NIBAN2: variants seen among roughly 807,000 people sequenced by gnomAD.
The protein encoded by NIBAN2 is niban apoptosis regulator 2.
NIBAN2 carries 36 observed loss-of-function variants against 81.8 expected under a neutral mutation model. The ratio of observed to expected loss-of-function variants is 0.44; its 90% CI spans 0.34 to 0.58. The LOEUF (loss-of-function observed/expected upper bound fraction) is 0.58. NIBAN2 is among the 20% of genes least tolerant of loss of function. The probability of loss-of-function intolerance (pLI) is 0.02; values close to 1 mark genes in which losing one functional copy is unlikely to be tolerated. For synonymous variants in NIBAN2, 445 were observed against 441.6 expected, an observed-to-expected ratio of 1.01 and a Z score of -0.10; for missense variants, 897 against 1,014.1, an observed-to-expected ratio of 0.88 and a Z score of 1.57.
At chr9:127,572,877 G>A (rs954097692), upstream of NIBAN2, among the ~76,000 whole-genome samples, 4 of 151,922 alleles carry the variant, frequency 2.6e-5, no homozygotes, top group African/African-American at 4.8e-5. Flanking sequence ...AGACCCCGTC[G>A]TTAAATAATT....
At chr9:127,520,559 A>G (rs919378794) in intron 5 of NIBAN2, among the ~76,000 whole-genome samples, 1 of 152,140 alleles carries the variant, frequency 6.6e-6, no homozygotes, top group African/African-American at 2.4e-5. Context: ...GTCTTAAAGA[A>G]TTAAGTTAAA....
intron 1 of NIBAN2, among the ~76,000 whole-genome samples, chr9:127,543,299 T>C (rs899670295): frequency 6.6e-6 from 1 of 152,090 alleles, no homozygotes; most frequent in East Asian, 1.9e-4. Flanking sequence ...CCATCTGACA[T>C]AGACCCGGAC....
At chr9:127,571,713 G>A (rs4837166), upstream of NIBAN2, among the ~76,000 whole-genome samples, 5,017 of 19,546 alleles carry the variant, frequency 0.26, 106 homozygotes, top group Middle Eastern at 0.37. Flanking sequence ...CAAAACCAAA[G>A]AAAAAAACAG....
In NIBAN2 at chr9:127,517,810, GC is replaced by G; in HGVS notation, c.705+15del. 1 of 1,599,302 alleles carries G rather than the reference GC, an allele frequency of 6.3e-7. No homozygotes were observed. Among genetic ancestry groups the G allele is most frequent in the Non-Finnish European group, 8.6e-7 (1 of 1,167,958 alleles). ...GGTGACTTCTGAGGTTTCCTCACCA[GC>G]CCGTCTGGCCTCACCTGCACCTCGT... On this transcript the variant is annotated intron_variant, in intron 6 of 13. Transcript: ENST00000373312. This position sits in a 1 kb window ranked among gnomAD's most constrained non-coding sequence, Gnocchi z 4.0.
intron 1 of NIBAN2, among the ~76,000 whole-genome samples, chr9:127,566,361 C>G (rs1837859151): frequency 6.6e-6 from 1 of 152,110 alleles, no homozygotes. Context: ...GATCCCAGGC[C>G]AGGGATTCTT....
In NIBAN2 at chr9:127,517,305, CA is replaced by C. The variant is rs1009069582; in HGVS notation, c.706-90del. ...TGCATTCCCACAAGCCAGGCCGCTG[CA>C]GCCCCCACCTCCTCCGCGACTGGCC... On this transcript the variant is annotated intron_variant, in intron 6 of 13. Transcript: ENST00000373312. The surrounding 1 kb of genome is among the most constrained non-coding windows in gnomAD (Gnocchi z 4.0). 1 of 1,066,790 alleles carries C rather than the reference CA, an allele frequency of 9.4e-7. No individual in the cohort carries two copies. Among genetic ancestry groups the C allele is most frequent in the Non-Finnish European group, 1.4e-6 (1 of 718,146 alleles). The allele number at this position is 1,066,790 out of a possible 1,614,324, so 66.1% of individuals were successfully genotyped here.
intron 5 of NIBAN2, among the ~76,000 whole-genome samples, chr9:127,523,169 TAAAA>T (rs1159040869): frequency 1.5e-3 from 17 of 11,320 alleles, no homozygotes; most frequent in East Asian, 5.6e-3. Flanking sequence ...TTGGTGGTTT[TAAAA>T]AAAAAAAAAA....
chr9:127,507,969 G>C lies in NIBAN2; in HGVS notation c.1552C>G (p.Arg518Gly). The C allele has an allele frequency of 6.2e-7, 1 of 1,614,078 alleles. No homozygotes were observed. Among genetic ancestry groups the C allele is most frequent in the Non-Finnish European group, 8.5e-7 (1 of 1,179,976 alleles). The change falls in exon 13 of 14, where the codon CGG (arginine) becomes GGG (glycine). Residue 518 changes from arginine to glycine, a missense_variant. This residue lies in a region of NIBAN2 where 619 missense variants were observed against 691.0 expected (regional missense o/e 0.90). Coordinates refer to ENST00000373312, the MANE Select transcript of NIBAN2 (RefSeq NM_022833.4). The surrounding 1 kb of genome is among the most constrained non-coding windows in gnomAD (Gnocchi z 6.8). Reference sequence around the variant, plus strand: ...TCCTCGAAGATCAGCTCCTGGAACCGGGGCAGCTCCTGCCCGGGTGGGGCG... The same window carrying C: ...TCCTCGAAGATCAGCTCCTGGAACCCGGGCAGCTCCTGCCCGGGTGGGGCG... ...LAPTCKSELP[R>G]FQELIFEDFA...
chr9:127,540,661 G>A (rs572214386), intron 1 of NIBAN2, among the ~76,000 whole-genome samples: 2 of 152,300 alleles, frequency 1.3e-5, no homozygotes, highest in Admixed American at 1.3e-4. Flanking sequence ...CCCTGGTCCC[G>A]ACCTGATGCC....
chr9:127,544,160 T>C (rs1167104761), intron 1 of NIBAN2, among the ~76,000 whole-genome samples: 1 of 152,208 alleles, frequency 6.6e-6, no homozygotes, highest in Non-Finnish European at 1.5e-5. Flanking sequence ...GACTGGCAGC[T>C]TCCCAGGTTG....
intron 1 of NIBAN2, among the ~76,000 whole-genome samples, chr9:127,554,749 CGG>C (rs1182975745): frequency 2.0e-5 from 3 of 151,016 alleles, no homozygotes; most frequent in Non-Finnish European, 1.5e-5. Context: ...TTAGTAGAGA[CGG>C]GGGGTGGGGG....
At chr9:127,554,627 C>A (rs1293654590) in intron 1 of NIBAN2, among the ~76,000 whole-genome samples, 1 of 125,822 alleles carries the variant, frequency 7.9e-6, no homozygotes, top group African/African-American at 3.1e-5. Flanking sequence ...ATGGCACGAT[C>A]TTGGCTCACT....
chr9:127,561,395 A>G (rs1473415830), intron 1 of NIBAN2: 8 of 548,512 alleles, frequency 1.5e-5, no homozygotes, highest in Non-Finnish European at 1.9e-5. Flanking sequence ...TAAAGTCACA[A>G]TCATAACAGC....
rs1475518181 is a variant in NIBAN2, at chr9:127,508,699, C to G, written c.1318-161G>C. Among the ~76,000 whole-genome samples the G allele has an allele frequency of 6.6e-6, 1 of 152,042 alleles. No individual in the cohort carries two copies. The highest frequency in any genetic ancestry group is 1.5e-5 in the Non-Finnish European group (1 of 67,992). ...CCACTCACAGCTCTGCACGCTGGAG[C>G]AAGTCCCTGCCTCAAGGCAACAGGA... On this transcript the variant is annotated intron_variant, in intron 10 of 13. Coordinates refer to ENST00000373312, the MANE Select transcript of NIBAN2 (RefSeq NM_022833.4). The surrounding 1 kb of genome is among the most constrained non-coding windows in gnomAD (Gnocchi z 6.4).
At chr9:127,527,054 G>C in intron 3 of NIBAN2, 140 bp downstream of exon 3, 1 of 994,640 alleles carries the variant, frequency 1.0e-6, no homozygotes, top group South Asian at 1.4e-5. Context: ...GGAGGGGAGG[G>C]GCTGAGGTGG....
chr9:127,569,781 C>A (rs1390823986), upstream of NIBAN2, among the ~76,000 whole-genome samples: 1 of 152,246 alleles, frequency 6.6e-6, no homozygotes, highest in Non-Finnish European at 1.5e-5. Context: ...CAGTGCCAGG[C>A]GGGCTTGCCT....
chr9:127,509,110 G>GC lies in NIBAN2; in HGVS notation c.1182dup (p.Leu395AlafsTer13). 6.2e-7 allele frequency: 1 copy of GC among 1,612,080 alleles called. No individual in the cohort carries two copies. Among genetic ancestry groups the GC allele is most frequent in the Non-Finnish European group, 8.5e-7 (1 of 1,179,812 alleles). The stretch of plus-strand genomic sequence containing the variant: ...TGCATCTTCAGGGGGTGGTACGCCA[G>GC]CCGGGACAGCTTCTCCATGTACTGC... On this transcript the variant is annotated frameshift_variant, in exon 10 of 14. Coordinates refer to ENST00000373312, the MANE Select transcript of NIBAN2 (RefSeq NM_022833.4). LOFTEE classifies it high-confidence loss of function.
chr9:127,518,161 T>A, intron 5 of NIBAN2, among the ~76,000 whole-genome samples: 1 of 152,136 alleles, frequency 6.6e-6, no homozygotes, highest in Non-Finnish European at 1.5e-5. Context: ...GGCAGCCCCC[T>A]TGCCTCCTCC....
At position 127,526,072 on chromosome 9, in the gene NIBAN2, T is replaced by C. The variant is rs184494975; in HGVS notation, c.316-909A>G. Reference sequence around the variant, plus strand: ...GCACTGATTTGCAAAACATGGTCTCTGATCTTCAACACCACCCGAGAACTT... The same window carrying C: ...GCACTGATTTGCAAAACATGGTCTCCGATCTTCAACACCACCCGAGAACTT... On this transcript the variant is annotated intron_variant, in intron 3 of 13. Transcript: ENST00000373312. Among the ~76,000 whole-genome samples the C allele has an allele frequency of 7.9e-5, 12 of 152,306 alleles. No individual in the cohort carries two copies. The East Asian group carries it at 2.3e-3, about 29-fold the overall frequency.
Sources: allele counts gnomAD v4.1 joint callset (sites outside exome capture counted in the v4.1 genomes callset), GRCh38; gene constraint gnomAD v4.1.1; regional missense constraint gnomAD v4.1.1; non-coding constraint Gnocchi (gnomAD v3.1); transcripts MANE v1.5; gene names NCBI Gene and HGNC (gene_info 2026-07-23, HGNC 2026-07-21).